IFT43: variants seen among roughly 807,000 people sequenced by gnomAD.
IFT43 encodes intraflagellar transport 43, also known as intraflagellar transport protein 43 homolog.
Under a neutral mutation model 32.3 loss-of-function variants are expected in IFT43, and 33 were observed. That is an observed-to-expected ratio of 1.02 (90% CI 0.77 to 1.37). IFT43 has a LOEUF of 1.37. Ranked by LOEUF, IFT43 falls within the 40% of genes most tolerant of loss-of-function variation. IFT43 has a pLI of 0.00. For missense variants in IFT43, 274 were observed against 265.9 expected, an observed-to-expected ratio of 1.03 and a Z score of -0.21; for synonymous variants, 93 against 98.2, an observed-to-expected ratio of 0.95 and a Z score of 0.31.
rs2035903953 is a variant in IFT43, at chr14:76,002,379, C to T, written c.147+13402C>T. ...GGTAAAAAGGTAAGGGGGGGGGTGG[C>T]ATGATGTCATCGACCTTGGGAATGA... On this transcript the variant is annotated intron_variant, in intron 2 of 8. Transcript: ENST00000314067. Among the ~76,000 whole-genome samples, 2 of 151,178 alleles carry T rather than the reference C, an allele frequency of 1.3e-5. 1 individual carries two copies. The highest frequency in any genetic ancestry group is 1.3e-4 in the Admixed American group (2 of 15,210).
intron 2 of IFT43, among the ~76,000 whole-genome samples, chr14:75,995,991 A>G (rs2035738636): frequency 6.6e-6 from 1 of 152,124 alleles, no homozygotes; most frequent in African/African-American, 2.4e-5. Context: ...AGAGCCTGCA[A>G]TTGGAAATCA....
At chr14:76,079,792 A>C (rs1235775965) in intron 5 of IFT43, among the ~76,000 whole-genome samples, 1 of 152,214 alleles carries the variant, frequency 6.6e-6, no homozygotes. Flanking sequence ...ATCAGGCTAC[A>C]TCACCAGTCC....
intron 2 of IFT43, among the ~76,000 whole-genome samples, chr14:75,993,109 A>G (rs2035674661): frequency 1.3e-5 from 2 of 152,212 alleles, no homozygotes; most frequent in Admixed American, 6.5e-5. Context: ...CATGCTCAGT[A>G]TGTTGCCAAC....
At position 76,060,836 on chromosome 14, in the gene IFT43, T is replaced by C. The variant is rs1485155828; in HGVS notation, c.295+1463T>C. ...TTCCTCCCTCCCTCCCTTTCTTCCTTCCTTCCTTCCTTCCTTCCTTCCTTC... is the reference window on the plus strand; with the variant it reads ...TTCCTCCCTCCCTCCCTTTCTTCCTCCCTTCCTTCCTTCCTTCCTTCCTTC... On this transcript the variant is annotated intron_variant, in intron 5 of 8. Transcript: ENST00000314067. Among the ~76,000 whole-genome samples the C allele has an allele frequency of 1.3e-3, 162 of 121,896 alleles. 4 individuals are homozygous for C. In the South Asian group the frequency reaches 0.044, roughly 33 times the overall value. The allele number at this position is 121,896 out of a possible 152,430, so 80.0% of individuals were successfully genotyped here.
intron 2 of IFT43, among the ~76,000 whole-genome samples, chr14:76,004,853 A>T (rs537802813): frequency 6.6e-6 from 1 of 151,546 alleles, no homozygotes; most frequent in African/African-American, 2.4e-5. Context: ...GATTTTTTTC[A>T]TTTTAGATAT....
chr14:76,064,921 A>G (rs1452267564), intron 5 of IFT43, among the ~76,000 whole-genome samples: 1 of 152,148 alleles, frequency 6.6e-6, no homozygotes. Flanking sequence ...TACTTTCTCT[A>G]CTTTTTTCAT....
At chr14:76,058,187 A>G (rs1241434809) in intron 3 of IFT43, 1 of 245,436 alleles carries the variant, frequency 4.1e-6, no homozygotes, top group South Asian at 5.4e-5. Context: ...AGGGCACAGA[A>G]AAGCAGTTCC....
At chr14:76,034,180 T>G (rs2036557612) in intron 3 of IFT43, among the ~76,000 whole-genome samples, 1 of 152,238 alleles carries the variant, frequency 6.6e-6, no homozygotes, top group African/African-American at 2.4e-5. Flanking sequence ...TGGGGAGGTT[T>G]AAACAACAAA....
chr14:76,024,472 A>C (rs868649330), intron 3 of IFT43, among the ~76,000 whole-genome samples: 1 of 152,246 alleles, frequency 6.6e-6, no homozygotes, highest in Non-Finnish European at 1.5e-5. Context: ...TTAACTGGCT[A>C]TGTAAACCTG....
intron 3 of IFT43, among the ~76,000 whole-genome samples, chr14:76,047,167 C>A (rs955596349): frequency 2.6e-5 from 4 of 152,144 alleles, no homozygotes; most frequent in Non-Finnish European, 5.9e-5. Context: ...TTTGGAGGGG[C>A]CACATATATT....
intron 2 of IFT43, among the ~76,000 whole-genome samples, chr14:75,991,093 A>G (rs2035629581): frequency 6.6e-6 from 1 of 152,162 alleles, no homozygotes; most frequent in African/African-American, 2.4e-5. Context: ...TAACCCCAGC[A>G]CTTTGGGAAG....
At chr14:76,050,171 T>C (rs2036886856) in intron 3 of IFT43, among the ~76,000 whole-genome samples, 1 of 152,176 alleles carries the variant, frequency 6.6e-6, no homozygotes, top group Non-Finnish European at 1.5e-5. Flanking sequence ...GATCCCCAGC[T>C]AGAATGGCTG....
At chr14:76,051,032 G>A (rs1389034019) in intron 3 of IFT43, among the ~76,000 whole-genome samples, 1 of 151,616 alleles carries the variant, frequency 6.6e-6, no homozygotes, top group Non-Finnish European at 1.5e-5. Flanking sequence ...GATTCACTAG[G>A]CCTTGGCAGT....
chr14:76,021,919 G>A (rs148280862), intron 2 of IFT43, among the ~76,000 whole-genome samples: 31 of 152,316 alleles, frequency 2.0e-4, no homozygotes, highest in African/African-American at 7.2e-4. Flanking sequence ...AATATTGATT[G>A]GTGTAGGTGA....
chr14:76,008,310 C>T (rs2036016358), intron 2 of IFT43, among the ~76,000 whole-genome samples: 1 of 152,182 alleles, frequency 6.6e-6, no homozygotes, highest in South Asian at 2.1e-4. Flanking sequence ...CCAGAAACTT[C>T]CATTGTCTCA....
Position 76,017,499 on chromosome 14 carries a change from G to A in IFT43, c.148-4828G>A, listed in dbSNP as rs751782409. 3.9e-5 allele frequency among the ~76,000 whole-genome samples: 6 copies of A among 152,130 alleles called. No homozygotes were observed. In the Middle Eastern group the frequency reaches 0.01, roughly 259 times the overall value. On this transcript the variant is annotated intron_variant, in intron 2 of 8. Coordinates refer to ENST00000314067, the MANE Select transcript of IFT43 (RefSeq NM_001102564.3). ...CATCCTATGTTCATCAGGGATGTTG[G>A]CCTATAGTTGTTGTTGTTGTGGTGG...
chr14:75,991,103 G>A (rs1402631397), intron 2 of IFT43, among the ~76,000 whole-genome samples: 2 of 152,186 alleles, frequency 1.3e-5, no homozygotes, highest in East Asian at 1.9e-4. Context: ...ACTTTGGGAA[G>A]CCAAGGCAGG....
At chr14:76,039,823 C>T (rs2036672342) in intron 3 of IFT43, among the ~76,000 whole-genome samples, 1 of 152,126 alleles carries the variant, frequency 6.6e-6, no homozygotes, top group Non-Finnish European at 1.5e-5. Flanking sequence ...TCCAAAGGTA[C>T]TCTATGCAGG....
intron 3 of IFT43, among the ~76,000 whole-genome samples, chr14:76,043,396 C>T (rs572320277): frequency 6.6e-6 from 1 of 152,058 alleles, no homozygotes; most frequent in South Asian, 2.1e-4. Flanking sequence ...GAACTCCAGG[C>T]AGGCCCTCCT....
Sources: gnomAD v4.1 joint callset for allele counts (sites outside exome capture counted in the v4.1 genomes callset) on GRCh38, gnomAD v4.1.1 for gene constraint, MANE v1.5 for transcripts, NCBI Gene and HGNC (gene_info 2026-07-23, HGNC 2026-07-21) for gene names.